Variants in SRL observed in about 807,000 individuals in gnomAD.
SRL encodes the protein sarcalumenin.
A neutral mutation model predicts 39.5 loss-of-function variants in SRL; 23 were observed. The ratio of observed to expected loss-of-function variants is 0.58; its 90% confidence interval spans 0.42 to 0.82. The LOEUF is 0.82. SRL is among the 40% of genes least tolerant of loss of function. The probability of loss-of-function intolerance (pLI) is 0.00; values close to 1 mark genes in which losing one functional copy is unlikely to be tolerated. For missense variants in SRL, 592 were observed against 607.8 expected, an observed-to-expected ratio of 0.97 and a Z score of 0.27; for synonymous variants, 272 against 237.4, an observed-to-expected ratio of 1.15 and a Z score of -1.34.
At chr16:4,240,935 A>G (rs1457161558) in intron 1 of SRL, among the ~76,000 whole-genome samples, 1 of 152,190 alleles carries the variant, frequency 6.6e-6, no homozygotes, top group Non-Finnish European at 1.5e-5. Context: ...CAGCACATGC[A>G]GTGGCTGGAG....
In SRL at chr16:4,236,714, G is replaced by A. The variant is rs111922298; in HGVS notation, c.61+5293C>T. On this transcript the variant is annotated intron_variant, in intron 1 of 5. Coordinates refer to ENST00000399609, the MANE Select transcript of SRL (RefSeq NM_001098814.2). The stretch of plus-strand genomic sequence containing the variant: ...ACTGGAGTGCAGTGGCATGATCTCA[G>A]CTCACTGCAACCTCTGCCTCCCGGG... 4.0e-3 allele frequency among the ~76,000 whole-genome samples: 611 copies of A among 152,124 alleles called. 5 individuals are homozygous for A. Among genetic ancestry groups the A allele is most frequent in the African/African-American group, 0.014 (586 of 41,494 alleles).
Position 4,192,101 on chromosome 16 carries a change from A to G in SRL, c.*52T>C, listed in dbSNP as rs2141019218. Reference sequence around the variant, plus strand: ...GTTAATAAACCAGGACCTCTCAGACAGTTAGGACACAAGCTGATTCACCAA... The same window carrying G: ...GTTAATAAACCAGGACCTCTCAGACGGTTAGGACACAAGCTGATTCACCAA... On this transcript the variant is annotated 3_prime_UTR_variant, in exon 6 of 6. Coordinates refer to ENST00000399609, the MANE Select transcript of SRL (RefSeq NM_001098814.2). This position sits in a 1 kb window ranked among gnomAD's most constrained non-coding sequence, Gnocchi z 4.0. 6.6e-7 allele frequency: 1 copy of G among 1,505,122 alleles called. No homozygotes were observed. Among genetic ancestry groups the G allele is most frequent in the African/African-American group, 1.4e-5 (1 of 71,442 alleles). 93.2% of individuals were successfully genotyped at this position (1,505,122 alleles called of 1,614,324 possible).
chr16:4,202,575 A>G (rs1196011168), intron 3 of SRL, among the ~76,000 whole-genome samples: 2 of 149,778 alleles, frequency 1.3e-5, no homozygotes, highest in African/African-American at 2.5e-5. Flanking sequence ...TATGAGTGAC[A>G]GAGCGAGACT....
intron 1 of SRL, among the ~76,000 whole-genome samples, chr16:4,221,388 A>G (rs2052528692): frequency 1.3e-5 from 2 of 152,140 alleles, no homozygotes; most frequent in South Asian, 4.1e-4. Flanking sequence ...TCATGGCCAC[A>G]CAGCAGGCCA....
In SRL at chr16:4,204,553, T is replaced by C; in HGVS notation, c.143A>G (p.Lys48Arg). ...GTTACCAGAGTAGTCATCGGATGGC[T>C]TGTCCTCATTCAGCATGAGGGTCTT... ...IEKTLMLNED[K>R]PSDDYSAVLQ... The change falls in exon 2 of 6, where the codon AAG becomes AGG. Residue 48 changes from lysine to arginine, a missense_variant. Lys to Arg is a conservative substitution (Grantham distance 26, BLOSUM62 2). Coordinates refer to ENST00000399609, the MANE Select transcript of SRL (RefSeq NM_001098814.2). 2 of 1,614,076 alleles carry C rather than the reference T, an allele frequency of 1.2e-6. No individual in the cohort carries two copies. Among genetic ancestry groups the C allele is most frequent in the Non-Finnish European group, 8.5e-7 (1 of 1,179,968 alleles).
intron 3 of SRL, among the ~76,000 whole-genome samples, 159 bp from the exon 4 acceptor site, chr16:4,198,074 G>C (rs922695682): frequency 6.6e-6 from 1 of 152,190 alleles, no homozygotes; most frequent in African/African-American, 2.4e-5. Flanking sequence ...CTCTTGCTAC[G>C]TAAGTGTGAT....
chr16:4,234,891 G>C (rs537012651), intron 1 of SRL, among the ~76,000 whole-genome samples: 1 of 152,208 alleles, frequency 6.6e-6, no homozygotes. Flanking sequence ...GGAACTTTGG[G>C]TGAGACCTTG....
rs576223416 is a variant in SRL, at chr16:4,228,690, A to G, written c.61+13317T>C. 9.2e-5 allele frequency among the ~76,000 whole-genome samples: 14 copies of G among 151,948 alleles called. No individual in the cohort carries two copies. In the South Asian group the frequency reaches 1.2e-3, roughly 14 times the overall value. ...GCGGAGCTTGCAGTGAGCCAAGATCATGCCACTGCACTCCAGCCTGGGTGA... is the reference window on the plus strand; with the variant it reads ...GCGGAGCTTGCAGTGAGCCAAGATCGTGCCACTGCACTCCAGCCTGGGTGA... On this transcript the variant is annotated intron_variant, in intron 1 of 5. Transcript: ENST00000399609.
intron 3 of SRL, 38 bp downstream of exon 3, chr16:4,203,128 C>CTATAAT: frequency 6.3e-7 from 1 of 1,585,320 alleles, no homozygotes; most frequent in South Asian, 1.1e-5. Flanking sequence ...TGCGCCGTAC[C>CTATAAT]CGTAATCTCA....
chr16:4,208,700 C>T (rs1301984923), intron 1 of SRL, among the ~76,000 whole-genome samples: 2 of 152,204 alleles, frequency 1.3e-5, no homozygotes, highest in Admixed American at 6.5e-5. Context: ...TTGTGGCTCT[C>T]AACCTTATTA....
chr16:4,213,738 C>G (rs2052423070), intron 1 of SRL, among the ~76,000 whole-genome samples: 1 of 152,172 alleles, frequency 6.6e-6, no homozygotes, highest in South Asian at 2.1e-4. Flanking sequence ...CCACACGTGC[C>G]AGGCTCTCAG....
chr16:4,206,758 C>A (rs765454833), intron 1 of SRL: 1 of 456,892 alleles, frequency 2.2e-6, no homozygotes, highest in South Asian at 1.5e-5. Context: ...TCTCCCTCCC[C>A]CTGATGTCCC....
At chr16:4,233,613 A>C (rs2052682184) in intron 1 of SRL, among the ~76,000 whole-genome samples, 1 of 151,722 alleles carries the variant, frequency 6.6e-6, no homozygotes, top group Non-Finnish European at 1.5e-5. Context: ...CCCCAAATAG[A>C]AGGTCAGCTC....
intron 1 of SRL, among the ~76,000 whole-genome samples, chr16:4,209,710 T>C (rs2052369193): frequency 6.6e-6 from 1 of 152,208 alleles, no homozygotes; most frequent in South Asian, 2.1e-4. Flanking sequence ...CCTTTTATTA[T>C]AGAGGAGCCC....
At chr16:4,228,659 C>T (rs963486972) in intron 1 of SRL, among the ~76,000 whole-genome samples, 1 of 151,784 alleles carries the variant, frequency 6.6e-6, no homozygotes, top group Non-Finnish European at 1.5e-5. Flanking sequence ...GGAGTGAACC[C>T]AGGAGGCGGA....
intron 1 of SRL, among the ~76,000 whole-genome samples, chr16:4,232,771 C>G (rs1483072397): frequency 6.6e-6 from 1 of 152,232 alleles, no homozygotes; most frequent in Non-Finnish European, 1.5e-5. Context: ...TTCAACCTCC[C>G]AAAGTGCTGG....
rs572712746 is a variant in SRL, at chr16:4,219,718, C to A, written c.62-15084G>T. Among the ~76,000 whole-genome samples the A allele has an allele frequency of 1.1e-4, 16 of 152,258 alleles. No individual in the cohort carries two copies. The South Asian group carries it at 1.7e-3, about 16-fold the overall frequency. On this transcript the variant is annotated intron_variant, in intron 1 of 5. Coordinates refer to ENST00000399609, the MANE Select transcript of SRL (RefSeq NM_001098814.2). ...TCAAGTGATCCTCCCGCCTTGGCCTCCCAAAGTGCTGAGGTTACAGGTGTG... is the reference window on the plus strand; with the variant it reads ...TCAAGTGATCCTCCCGCCTTGGCCTACCAAAGTGCTGAGGTTACAGGTGTG...
chr16:4,236,507 CT>C (rs2052715301), intron 1 of SRL, among the ~76,000 whole-genome samples: 1 of 152,080 alleles, frequency 6.6e-6, no homozygotes, highest in Non-Finnish European at 1.5e-5. Context: ...ACCTCAGAGC[CT>C]CCCTCTCATC....
chr16:4,206,971 C>T, intron 1 of SRL: 2 of 455,870 alleles, frequency 4.4e-6, no homozygotes, highest in Non-Finnish European at 8.8e-6. Context: ...GGCTCCCCGC[C>T]TTCCTGTGGC....
Sources: allele counts gnomAD v4.1 joint callset (sites outside exome capture counted in the v4.1 genomes callset), GRCh38; gene constraint gnomAD v4.1.1; non-coding constraint Gnocchi (gnomAD v3.1); transcripts MANE v1.5; gene names NCBI Gene and HGNC (gene_info 2026-07-23, HGNC 2026-07-21).